SUPT20H: variants seen among roughly 807,000 people sequenced by gnomAD.
SUPT20H encodes the protein SPT20 homolog, SAGA complex component.
In SUPT20H, 82 loss-of-function variants were observed where a neutral mutation model predicts 122.8. The observed-to-expected ratio is 0.67, with a 90% CI of 0.56 to 0.80. The LOEUF is 0.80. Ranked by LOEUF, SUPT20H falls within the 30% of genes least tolerant of loss-of-function variation. SUPT20H has a pLI of 0.00. For missense variants in SUPT20H, 831 were observed against 921.6 expected (o/e 0.90, Z 1.27); for synonymous variants, 291 against 313.0 (o/e 0.93, Z 0.74).
At chr13:37,018,658 C>T (rs1358339363) in intron 22 of SUPT20H, among the ~76,000 whole-genome samples, 1 of 152,048 alleles carries the variant, frequency 6.6e-6, no homozygotes, top group Non-Finnish European at 1.5e-5. Context: ...TAAATTCACC[C>T]CCCTTGTTTT....
intron 1 of SUPT20H, among the ~76,000 whole-genome samples, chr13:37,053,761 C>T (rs1451164348): frequency 2.0e-5 from 3 of 151,746 alleles, no homozygotes; most frequent in African/African-American, 7.3e-5. Context: ...AACGAAACCT[C>T]ACTCCTTGGG....
intron 23 of SUPT20H, chr13:37,013,803 C>G (rs2139114831): frequency 6.6e-6 from 1 of 152,076 alleles, no homozygotes. Flanking sequence ...GACAAAAGAG[C>G]ACAGAGCTGA....
intron 5 of SUPT20H, chr13:37,047,185 CTGCTATAAATCTGTAA>C (rs1158683295): frequency 6.4e-6 from 1 of 156,028 alleles, no homozygotes; most frequent in East Asian, 1.9e-4. Context: ...AAACAGGTTA[CTGCTATAAATCTGTAA>C]ATAACTTCTC....
chr13:37,033,914 G>A (rs181478695), intron 9 of SUPT20H, among the ~76,000 whole-genome samples: 1 of 152,226 alleles, frequency 6.6e-6, no homozygotes, highest in East Asian at 1.9e-4. Context: ...CTTATTTTGT[G>A]TCTGTGTCAC....
chr13:37,042,767 T>A (rs1017898581), intron 7 of SUPT20H, among the ~76,000 whole-genome samples: 6 of 152,306 alleles, frequency 3.9e-5, no homozygotes, highest in Admixed American at 3.9e-4. Context: ...AGGAAATGAC[T>A]ATAAATTCTT....
chr13:37,029,154 G>C (rs1475859045), intron 13 of SUPT20H, among the ~76,000 whole-genome samples: 2 of 152,184 alleles, frequency 1.3e-5, no homozygotes, highest in Admixed American at 6.5e-5. Flanking sequence ...GCCAGCCTTA[G>C]AAGAATTTAT....
intron 23 of SUPT20H, 30 bp from the exon 24 acceptor site, chr13:37,012,327 C>A: frequency 6.3e-7 from 1 of 1,574,976 alleles, no homozygotes; most frequent in Non-Finnish European, 8.7e-7. Flanking sequence ...ATGACTTGTA[C>A]AAGAAAGAAA....
rs2060681542 is a variant in SUPT20H, at chr13:37,017,329, C to T, written c.1908G>A (p.Gln636=). Residue 636 remains glutamine, a synonymous_variant, in exon 23 of 26, where the codon CAG becomes CAA. Coordinates refer to ENST00000350612, the MANE Select transcript of SUPT20H (RefSeq NM_001014286.3). ...ACTGGGAGAGCTGCTGTTGCTGCTG[C>T]TGCAGAGTGTTAAAAATAAGTGAAC... ...PGGSLIFNTL[Q]QQQQQLSQFT... is the part of the protein sequence containing the mutation. The T allele has an allele frequency of 3.1e-6, 5 of 1,613,908 alleles. No homozygotes were observed. The highest frequency in any genetic ancestry group is 4.2e-6 in the Non-Finnish European group (5 of 1,179,946).
chr13:37,040,571 C>T lies in SUPT20H; in HGVS notation c.513+5G>A. 6.2e-7 allele frequency: 1 copy of T among 1,612,380 alleles called. No individual in the cohort carries two copies. Among genetic ancestry groups the T allele is most frequent in the African/African-American group, 1.3e-5 (1 of 74,974 alleles). ...AAATAGTATTTCTTAATTAAACATC[C>T]TTACCTGCATTGTTGGACGTAAGAG... On this transcript the variant is annotated splice_donor_5th_base_variant and intron_variant, in intron 8 of 25. Transcript: ENST00000350612.
chr13:37,053,958 TAC>T (rs1261600147), intron 1 of SUPT20H, among the ~76,000 whole-genome samples: 4 of 152,070 alleles, frequency 2.6e-5, no homozygotes, highest in African/African-American at 9.7e-5. Flanking sequence ...CCCACAGAAA[TAC>T]AAACTACCAT....
intron 6 of SUPT20H, among the ~76,000 whole-genome samples, chr13:37,044,835 A>G (rs770015538): frequency 1.3e-5 from 2 of 152,186 alleles, no homozygotes; most frequent in Non-Finnish European, 2.9e-5. Context: ...TCATGTTCAA[A>G]CTGCAGGACT....
intron 24 of SUPT20H, among the ~76,000 whole-genome samples, chr13:37,011,185 A>T (rs546516756): frequency 6.6e-6 from 1 of 152,292 alleles, no homozygotes; most frequent in East Asian, 1.9e-4. Context: ...CTCATTTTAC[A>T]TATGGGGAAG....
At chr13:37,046,034 T>A (rs143543923) in intron 5 of SUPT20H, among the ~76,000 whole-genome samples, 2 of 152,128 alleles carry the variant, frequency 1.3e-5, no homozygotes, top group Admixed American at 1.3e-4. Context: ...ACAAATCATG[T>A]CATCAAATCT....
At chr13:37,024,686 G>C (rs1246013193) in intron 17 of SUPT20H, 2 of 258,468 alleles carry the variant, frequency 7.7e-6, no homozygotes, top group Non-Finnish European at 1.4e-5. Context: ...AAAGATTTCT[G>C]AGTAATAGGG....
chr13:37,059,010 C>A (rs922185593), intron 1 of SUPT20H, among the ~76,000 whole-genome samples: 2 of 152,178 alleles, frequency 1.3e-5, no homozygotes, highest in Non-Finnish European at 2.9e-5. Flanking sequence ...GCAGTGGCTA[C>A]GGGAGATGGC....
chr13:37,052,981 C>A (rs1215235737), intron 1 of SUPT20H, among the ~76,000 whole-genome samples: 2 of 152,198 alleles, frequency 1.3e-5, no homozygotes, highest in Non-Finnish European at 2.9e-5. Flanking sequence ...AATACCATCT[C>A]ACACCAGTTA....
intron 13 of SUPT20H, among the ~76,000 whole-genome samples, chr13:37,029,280 G>C (rs1355520079): frequency 2.0e-5 from 3 of 152,182 alleles, no homozygotes; most frequent in African/African-American, 7.2e-5. Flanking sequence ...TGTAATCCCA[G>C]TACTTTGGGA....
Position 37,025,450 on chromosome 13 carries a change from G to A in SUPT20H, c.1212-13C>T, listed in dbSNP as rs376381794. 3.8e-6 allele frequency: 6 copies of A among 1,568,004 alleles called. No homozygotes were observed. The highest frequency in any genetic ancestry group is 5.3e-6 in the Non-Finnish European group (6 of 1,142,256). ...CTGATTGACTACCCTAAAATATCAGGAGAAAACAGGTAAAGATTAGAAAAC... is the reference window on the plus strand; with the variant it reads ...CTGATTGACTACCCTAAAATATCAGAAGAAAACAGGTAAAGATTAGAAAAC... On this transcript the variant is annotated splice_polypyrimidine_tract_variant and intron_variant, in intron 16 of 25. Coordinates refer to ENST00000350612, the MANE Select transcript of SUPT20H (RefSeq NM_001014286.3).
At chr13:37,052,295 T>A (rs984274146) in intron 1 of SUPT20H, among the ~76,000 whole-genome samples, 6 of 152,166 alleles carry the variant, frequency 3.9e-5, no homozygotes, top group African/African-American at 1.4e-4. Context: ...AATGCTACAG[T>A]AACCAAAACA....
Sources: allele counts gnomAD v4.1 joint callset (sites outside exome capture counted in the v4.1 genomes callset), GRCh38; gene constraint gnomAD v4.1.1; transcripts MANE v1.5; gene names NCBI Gene and HGNC (gene_info 2026-07-23, HGNC 2026-07-21).